ATP13A4: variants seen among roughly 807,000 people sequenced by gnomAD.
ATP13A4 encodes ATPase 13A4.
Under a neutral mutation model 142.5 loss-of-function variants are expected in ATP13A4, and 114 were observed. The ratio of observed to expected loss-of-function variants is 0.80; its 90% CI spans 0.69 to 0.93. The LOEUF (loss-of-function observed/expected upper bound fraction) is 0.93. Among genes scored for constraint, ATP13A4 ranks in the 40% least tolerant of loss-of-function variants. The pLI is 0.00. For missense variants in ATP13A4, 1,392 were observed against 1,454.0 expected (o/e 0.96, Z 0.69); for synonymous variants, 488 against 514.8 (o/e 0.95, Z 0.70).
intron 17 of ATP13A4, among the ~76,000 whole-genome samples, chr3:193,451,056 G>A (rs62285722): frequency 0.064 from 9,710 of 152,178 alleles, 392 homozygotes; most frequent in South Asian, 0.14. Context: ...CGGCTGTTAC[G>A]GGACTCTCTC....
chr3:193,569,900 C>G (rs1273086279), intron 2 of ATP13A4, among the ~76,000 whole-genome samples: 2 of 152,226 alleles, frequency 1.3e-5, no homozygotes, highest in Admixed American at 1.3e-4. Context: ...TGAGGGAAAT[C>G]GGGTGCGGGG....
chr3:193,511,753 A>G (rs772811047), intron 2 of ATP13A4, among the ~76,000 whole-genome samples: 5 of 152,132 alleles, frequency 3.3e-5, no homozygotes, highest in African/African-American at 4.8e-5. Context: ...ACAAGAAATC[A>G]AAACGTTTGA....
chr3:193,548,799 G>A (rs947806919), intron 1 of ATP13A4, among the ~76,000 whole-genome samples: 1 of 152,200 alleles, frequency 6.6e-6, no homozygotes, highest in African/African-American at 2.4e-5. Context: ...ACACCACCCT[G>A]CTGCCACGTT....
chr3:193,420,494 C>T (rs1009679929), intron 25 of ATP13A4, among the ~76,000 whole-genome samples: 7 of 149,456 alleles, frequency 4.7e-5, no homozygotes, highest in African/African-American at 1.7e-4. Flanking sequence ...CAAAGAAACA[C>T]GATAATTCTC....
chr3:193,442,765 C>T lies in ATP13A4; in HGVS notation c.2153-209G>A, dbSNP rs146335899. On this transcript the variant is annotated intron_variant, in intron 18 of 29. Coordinates refer to ENST00000342695, the MANE Select transcript of ATP13A4 (RefSeq NM_032279.4). ...TTCGTCAGGTTGCTTCATGATCTACCAGTGTATTTTTGCCAGACTGGGGGA... is the reference window on the plus strand; with the variant it reads ...TTCGTCAGGTTGCTTCATGATCTACTAGTGTATTTTTGCCAGACTGGGGGA... Among the ~76,000 whole-genome samples, 690 of 152,230 alleles carry T rather than the reference C, an allele frequency of 4.5e-3. 3 individuals carry two copies. The highest frequency in any genetic ancestry group is 7.0e-3 in the Non-Finnish European group (478 of 68,016).
intron 8 of ATP13A4, among the ~76,000 whole-genome samples, chr3:193,472,328 C>G (rs142539938): frequency 6.6e-6 from 1 of 152,284 alleles, no homozygotes; most frequent in East Asian, 1.9e-4. Flanking sequence ...TATACACTCC[C>G]TGCTTGTCAG....
At chr3:193,474,288 C>T (rs1230496433) in intron 8 of ATP13A4, among the ~76,000 whole-genome samples, 2 of 133,624 alleles carry the variant, frequency 1.5e-5, no homozygotes, top group East Asian at 4.7e-4. Context: ...CACTGCACTG[C>T]ACTCCAGCCT....
chr3:193,471,108 AAGG>A, intron 8 of ATP13A4, 115 bp from the exon 9 acceptor site: 1 of 1,391,642 alleles, frequency 7.2e-7, no homozygotes, highest in Non-Finnish European at 1.0e-6. Flanking sequence ...TTTTTTTAGA[AAGG>A]AGAACATTCC....
intron 1 of ATP13A4, 152 bp from the exon 2 acceptor site, chr3:193,515,023 G>A: frequency 3.7e-6 from 3 of 807,842 alleles, no homozygotes; most frequent in South Asian, 3.0e-5. Flanking sequence ...GAGTGGAGAG[G>A]AAATCTTGAC....
intron 15 of ATP13A4, 31 bp downstream of exon 15, chr3:193,457,348 T>C (rs777724636): frequency 3.7e-6 from 6 of 1,608,552 alleles, no homozygotes; most frequent in Non-Finnish European, 5.1e-6. Flanking sequence ...TGAGTTTGGG[T>C]GTTGTGGGGT....
At chr3:193,474,322 C>CAAAAAAAAAAAAA (rs1176133187) in intron 8 of ATP13A4, among the ~76,000 whole-genome samples, 1 of 69,088 alleles carries the variant, frequency 1.4e-5, no homozygotes, top group Non-Finnish European at 2.8e-5. Flanking sequence ...GACTCCGTCT[C>CAAAAAAAAAAAAA]AAAAAAAAAA....
intron 6 of ATP13A4, among the ~76,000 whole-genome samples, chr3:193,491,050 C>T (rs1158599596): frequency 6.6e-6 from 1 of 151,886 alleles, no homozygotes; most frequent in East Asian, 1.9e-4. Flanking sequence ...AGTTAAGCAG[C>T]ATAGTATTAA....
At chr3:193,446,245 C>T (rs1716949364) in intron 18 of ATP13A4, among the ~76,000 whole-genome samples, 1 of 152,108 alleles carries the variant, frequency 6.6e-6, no homozygotes. Context: ...AACAATGGAA[C>T]TACCAGAAGT....
At chr3:193,532,498 G>A (rs1722387700) in intron 1 of ATP13A4, among the ~76,000 whole-genome samples, 1 of 150,812 alleles carries the variant, frequency 6.6e-6, no homozygotes, top group African/African-American at 2.4e-5. Flanking sequence ...AAACAAGATT[G>A]CCATTTTTAT....
intron 17 of ATP13A4, among the ~76,000 whole-genome samples, chr3:193,449,486 A>G (rs1717144605): frequency 6.6e-6 from 1 of 152,218 alleles, no homozygotes; most frequent in Non-Finnish European, 1.5e-5. Flanking sequence ...CAGGAAGTGG[A>G]CACAGTTTGA....
intron 1 of ATP13A4, among the ~76,000 whole-genome samples, chr3:193,521,307 G>A (rs990415630): frequency 6.6e-6 from 1 of 152,190 alleles, no homozygotes; most frequent in African/African-American, 2.4e-5. Flanking sequence ...ATCTCCTACT[G>A]AGACAATTAA....
At position 193,487,197 on chromosome 3, in the gene ATP13A4, G is replaced by A. The variant is rs79337662; in HGVS notation, c.738+2533C>T. ...TTCAGAAAGAATGGAGCAGTTAACC[G>A]TGTCAAATCCAACTGAGAGGTTTAG... On this transcript the variant is annotated intron_variant, in intron 7 of 29. Transcript: ENST00000342695. 8.4e-3 allele frequency among the ~76,000 whole-genome samples: 1,281 copies of A among 152,176 alleles called. 5 individuals are homozygous for A. The highest frequency in any genetic ancestry group is 0.013 in the Non-Finnish European group (880 of 67,998).
intron 1 of ATP13A4, among the ~76,000 whole-genome samples, chr3:193,516,336 G>A (rs993052630): frequency 2.0e-5 from 3 of 152,126 alleles, no homozygotes; most frequent in African/African-American, 7.2e-5. Context: ...GCTTTCTTAG[G>A]CATTGTCCAA....
intron 8 of ATP13A4, among the ~76,000 whole-genome samples, chr3:193,481,507 C>A (rs953973031): frequency 1.3e-5 from 2 of 152,132 alleles, no homozygotes; most frequent in African/African-American, 4.8e-5. Flanking sequence ...ACACTGGTAA[C>A]CCAGCCAGGT....
Sources: gnomAD v4.1 joint callset for allele counts (sites outside exome capture counted in the v4.1 genomes callset) on GRCh38, gnomAD v4.1.1 for gene constraint, MANE v1.5 for transcripts, NCBI Gene and HGNC (gene_info 2026-07-23, HGNC 2026-07-21) for gene names.